Variants in EYS observed in about 807,000 individuals in gnomAD.
The protein encoded by EYS is protein eyes shut homolog.
In EYS, 250 loss-of-function variants were observed where a neutral mutation model predicts 282.1. That is an observed-to-expected ratio of 0.89 (90% confidence interval 0.80 to 0.98). EYS has a LOEUF of 0.98. Among genes scored for constraint, EYS ranks in the 50% least tolerant of loss-of-function variants. The probability of loss-of-function intolerance (pLI) is 0.00; values close to 1 mark genes in which losing one functional copy is unlikely to be tolerated. For missense variants in EYS, 4,016 were observed against 3,709.0 expected (o/e 1.08, Z -2.15); for synonymous variants, 1,355 against 1,282.9 (o/e 1.06, Z -1.20).
intron 42 of EYS, among the ~76,000 whole-genome samples, chr6:63,723,288 A>G (rs563453704): frequency 1.3e-5 from 2 of 152,174 alleles, no homozygotes; most frequent in Non-Finnish European, 2.9e-5. Context: ...AAACTTTCAG[A>G]TTAGGAAAGA....
At chr6:65,546,185 GT>G (rs5876969) in intron 2 of EYS, among the ~76,000 whole-genome samples, 64,174 of 126,806 alleles carry the variant, frequency 0.51, 16,345 homozygotes, top group East Asian at 0.66. Flanking sequence ...CATCTGTCTA[GT>G]TTTTTTTTTT....
At chr6:65,163,099 G>A (rs1260891235) in intron 12 of EYS, among the ~76,000 whole-genome samples, 2 of 151,132 alleles carry the variant, frequency 1.3e-5, no homozygotes, top group Non-Finnish European at 3.0e-5. Context: ...AGTTCTCATA[G>A]CCATGTCCCA....
At chr6:64,412,481 G>C (rs144570675) in intron 28 of EYS, among the ~76,000 whole-genome samples, 1 of 152,266 alleles carries the variant, frequency 6.6e-6, no homozygotes, top group Admixed American at 6.5e-5. Flanking sequence ...GGGGTTGGTA[G>C]AGATATATAG....
chr6:64,787,703 T>C (rs1031320570), intron 22 of EYS, among the ~76,000 whole-genome samples: 11 of 149,338 alleles, frequency 7.4e-5, no homozygotes, highest in Non-Finnish European at 1.6e-4. Flanking sequence ...ATATTATTTA[T>C]AGATAATAAT....
chr6:64,273,929 C>T (rs999305213), intron 30 of EYS, among the ~76,000 whole-genome samples: 5 of 152,094 alleles, frequency 3.3e-5, no homozygotes, highest in Non-Finnish European at 7.4e-5. Context: ...CACTTGTTGC[C>T]ATTTGGTAGG....
chr6:64,015,065 T>C (rs1458369139), intron 33 of EYS, among the ~76,000 whole-genome samples: 1 of 152,172 alleles, frequency 6.6e-6, no homozygotes, highest in African/African-American at 2.4e-5. Flanking sequence ...GTCAATTTCT[T>C]ATAAATAGCT....
At chr6:65,546,598 T>C (rs1400791303) in intron 2 of EYS, among the ~76,000 whole-genome samples, 1 of 152,108 alleles carries the variant, frequency 6.6e-6, no homozygotes, top group Non-Finnish European at 1.5e-5. Context: ...TTTTTGTTTT[T>C]TGAGACAGAG....
At chr6:64,769,892 A>G (rs1291349008) in intron 22 of EYS, among the ~76,000 whole-genome samples, 1 of 152,044 alleles carries the variant, frequency 6.6e-6, no homozygotes, top group Admixed American at 6.6e-5. Flanking sequence ...GATTTTGTCA[A>G]GACTATATCT....
At chr6:64,578,925 A>C (rs551361547) in intron 26 of EYS, among the ~76,000 whole-genome samples, 1 of 152,246 alleles carries the variant, frequency 6.6e-6, no homozygotes, top group Non-Finnish European at 1.5e-5. Context: ...ATGCCTATTA[A>C]AGTGACAACT....
rs2149772054 is a variant in EYS at position 63,957,570 on chromosome 6, C to T, written c.7055+26813G>A. On this transcript the variant is annotated intron_variant, in intron 35 of 42. Coordinates refer to ENST00000503581, the MANE Select transcript of EYS (RefSeq NM_001142800.2). ...CTGTTTGTTGACAGAATGAAGCTTG[C>T]CTGCTATGCTGAAAGCTATTTCTCG... is the stretch of plus-strand genomic sequence containing the variant. Among the ~76,000 whole-genome samples, 2 of 141,128 alleles carry T rather than the reference C, an allele frequency of 1.4e-5. 1 individual carries two copies. Among genetic ancestry groups the T allele is most frequent in the South Asian group, 4.6e-4 (2 of 4,358 alleles). The allele number at this position is 141,128 out of a possible 152,430, so 92.6% of individuals were successfully genotyped here. A position where few individuals can be genotyped will look rare whatever the true frequency, so the allele number is the denominator to read the frequency against.
At chr6:63,927,739 A>G (rs1764759287) in intron 35 of EYS, among the ~76,000 whole-genome samples, 1 of 152,264 alleles carries the variant, frequency 6.6e-6, no homozygotes, top group South Asian at 2.1e-4. Context: ...AGCAGATGCT[A>G]GAAACAGAAG....
intron 35 of EYS, among the ~76,000 whole-genome samples, chr6:63,962,259 G>C (rs1169383215): frequency 6.6e-6 from 1 of 152,142 alleles, no homozygotes; most frequent in Non-Finnish European, 1.5e-5. Flanking sequence ...ATTGACAAAT[G>C]GGATCTAATT....
At chr6:65,115,294 T>A (rs1561973447) in intron 12 of EYS, among the ~76,000 whole-genome samples, 1 of 152,014 alleles carries the variant, frequency 6.6e-6, no homozygotes. Flanking sequence ...ACCATTGAAG[T>A]TTTCAATGAC....
At chr6:65,419,522 C>G (rs992795266) in intron 5 of EYS, among the ~76,000 whole-genome samples, 5 of 151,782 alleles carry the variant, frequency 3.3e-5, no homozygotes, top group Non-Finnish European at 5.9e-5. Flanking sequence ...CCTGTGTAAT[C>G]TGTACAATTT....
intron 11 of EYS, chr6:65,329,931 T>G (rs2150310314): frequency 6.1e-6 from 6 of 977,472 alleles, no homozygotes; most frequent in African/African-American, 1.8e-5. Flanking sequence ...TACTTATAAC[T>G]GAAAATTATG....
intron 22 of EYS, among the ~76,000 whole-genome samples, chr6:64,686,114 C>CTT (rs1562133194): frequency 1.4e-5 from 2 of 144,616 alleles, no homozygotes; most frequent in African/African-American, 5.2e-5. Context: ...TAAAAAAAAA[C>CTT]AGGAAACTGT....
intron 36 of EYS, among the ~76,000 whole-genome samples, chr6:63,814,351 A>G (rs562027905): frequency 6.6e-6 from 1 of 152,258 alleles, no homozygotes; most frequent in Non-Finnish European, 1.5e-5. Flanking sequence ...TACCCGGTAC[A>G]TGAATAAAAT....
intron 1 of EYS, among the ~76,000 whole-genome samples, chr6:65,652,673 G>A (rs1427316411): frequency 5.9e-5 from 9 of 151,864 alleles, no homozygotes. Flanking sequence ...CATCAGGAAT[G>A]TAAAGACATA....
At chr6:64,361,741 T>C in intron 29 of EYS, among the ~76,000 whole-genome samples, 1 of 151,732 alleles carries the variant, frequency 6.6e-6, no homozygotes, top group Non-Finnish European at 1.5e-5. Flanking sequence ...CATACACACT[T>C]ACATACACAT....
Sources: allele counts gnomAD v4.1 joint callset (sites outside exome capture counted in the v4.1 genomes callset), GRCh38; gene constraint gnomAD v4.1.1; transcripts MANE v1.5; gene names NCBI Gene and HGNC (gene_info 2026-07-23, HGNC 2026-07-21).